TBC1D8B: variants seen among roughly 807,000 people sequenced by gnomAD.
The protein encoded by TBC1D8B is RP11-321G1.1.
TBC1D8B carries 75 observed loss-of-function variants against 82.9 expected under a neutral mutation model. The observed-to-expected ratio is 0.90, with a 90% confidence interval of 0.75 to 1.10. The LOEUF (loss-of-function observed/expected upper bound fraction) is 1.10, where lower values mean the gene tolerates loss of function less well. Among genes scored for constraint, TBC1D8B ranks in the 50% least tolerant of loss-of-function variants. The probability of loss-of-function intolerance (pLI) is 0.00; values close to 1 mark genes in which losing one functional copy is unlikely to be tolerated. For synonymous variants in TBC1D8B, 276 were observed against 276.8 expected (o/e 1.00, Z 0.03); for missense variants, 794 against 796.9 (o/e 1.00, Z 0.04).
chrX:106,847,868 G>A (rs1932492707), intron 10 of TBC1D8B, among the ~76,000 whole-genome samples: 1 of 111,557 alleles, frequency 9.0e-6, no homozygotes, highest in African/African-American at 3.2e-5. Flanking sequence ...AAATTATGTA[G>A]GCTTTTTTCA....
intron 5 of TBC1D8B, among the ~76,000 whole-genome samples, chrX:106,823,878 G>A (rs1180303315): frequency 9.0e-6 from 1 of 110,771 alleles, no homozygotes; most frequent in African/African-American, 3.3e-5. Context: ...TAATGAAGAG[G>A]CAAGTTCGTG....
At position 106,802,684 on chromosome X, in the gene TBC1D8B, T is replaced by G. The variant is rs1160360433; in HGVS notation, c.-170T>G. The G allele has an allele frequency of 1.6e-6, 1 of 638,394 alleles. No homozygotes were observed. The highest frequency in any genetic ancestry group is 3.6e-5 in the East Asian group (1 of 27,734). 52.6% of individuals were successfully genotyped at this position (638,394 alleles called of 1,213,427 possible). A position where few individuals can be genotyped will look rare whatever the true frequency, so the allele number is the denominator to read the frequency against. On this transcript the variant is annotated 5_prime_UTR_variant, in exon 1 of 21. Transcript: ENST00000357242. ...TGTGGGAGGGAATTGGCAATCTCTC[T>G]GCCTACGTGGGAGAGAAGGGAGGGT... is the stretch of plus-strand genomic sequence containing the variant.
intron 1 of TBC1D8B, among the ~76,000 whole-genome samples, chrX:106,809,681 C>T (rs932693427): frequency 1.8e-5 from 2 of 109,334 alleles, no homozygotes; most frequent in East Asian, 2.9e-4. Context: ...GTCAAGAGTT[C>T]GAGACCAGCC....
At chrX:106,823,146 T>C (rs1931742125) in intron 4 of TBC1D8B, 80 bp from the exon 5 acceptor site, 2 of 1,013,767 alleles carry the variant, frequency 2.0e-6, no homozygotes, top group Non-Finnish European at 2.7e-6. Context: ...AGGGATTAAC[T>C]ATTGTTTCAG....
At chrX:106,842,503 T>C (rs1932331734) in intron 10 of TBC1D8B, among the ~76,000 whole-genome samples, 1 of 111,051 alleles carries the variant, frequency 9.0e-6, no homozygotes, top group Non-Finnish European at 1.9e-5. Context: ...TCATGAAGAA[T>C]CTTTCAAGCC....
intron 14 of TBC1D8B, among the ~76,000 whole-genome samples, chrX:106,857,412 C>T (rs1333966686): frequency 1.8e-5 from 2 of 111,924 alleles, no homozygotes; most frequent in Non-Finnish European, 3.8e-5. Flanking sequence ...CTCAGCCTCC[C>T]GAAGTGCTGG....
intron 14 of TBC1D8B, among the ~76,000 whole-genome samples, chrX:106,860,213 T>C (rs930877674): frequency 2.7e-5 from 3 of 111,106 alleles, no homozygotes; most frequent in Non-Finnish European, 5.7e-5. Context: ...CCTAAAAGAA[T>C]GCGTTAAGGA....
At chrX:106,821,476 G>T (rs768683669) in intron 3 of TBC1D8B, among the ~76,000 whole-genome samples, 1 of 110,682 alleles carries the variant, frequency 9.0e-6, no homozygotes, top group South Asian at 3.8e-4. Context: ...GCACAAAACT[G>T]AAGAAAATTT....
In TBC1D8B at chrX:106,831,311, A is replaced by G. The variant is rs1430546895; in HGVS notation, c.1203+3974A>G. Among the ~76,000 whole-genome samples, 6 of 111,820 alleles carry G rather than the reference A, an allele frequency of 5.4e-5. No individual in the cohort carries two copies. In the East Asian group the frequency reaches 1.7e-3, roughly 31 times the overall value. ...TTTCCCTTTGATAATTAAAAAGCAC[A>G]ATGAAAACATGTAATTAAATTTTTT... On this transcript the variant is annotated intron_variant, in intron 7 of 20. Transcript: ENST00000357242.
chrX:106,804,662 G>A (rs976201206), intron 1 of TBC1D8B, among the ~76,000 whole-genome samples: 14 of 111,099 alleles, frequency 1.3e-4, no homozygotes, highest in African/African-American at 4.6e-4. Context: ...CAGCACTTTG[G>A]GAGACCGAGG....
In TBC1D8B at chrX:106,827,154, G is replaced by A. The variant is rs747969372; in HGVS notation, c.1036-16G>A. 2 of 1,200,768 alleles carry A rather than the reference G, an allele frequency of 1.7e-6. No individual in the cohort carries two copies. Among genetic ancestry groups the A allele is most frequent in the South Asian group, 3.6e-5 (2 of 55,304 alleles). ...AAAGGAAAATTTAATTGACCTCTATGTTTTTCACCCCCTAGGTCTTAGCTA... is the reference window on the plus strand; with the variant it reads ...AAAGGAAAATTTAATTGACCTCTATATTTTTCACCCCCTAGGTCTTAGCTA... On this transcript the variant is annotated splice_polypyrimidine_tract_variant and intron_variant, in intron 6 of 20. Transcript: ENST00000357242.
At chrX:106,844,327 T>C (rs1932382149) in intron 10 of TBC1D8B, among the ~76,000 whole-genome samples, 1 of 109,501 alleles carries the variant, frequency 9.1e-6, no homozygotes, top group Non-Finnish European at 1.9e-5. Context: ...TAAAGTATAA[T>C]GTTAACTGTG....
At chrX:106,873,533 A>G in intron 20 of TBC1D8B, 37 bp from the exon 21 acceptor site, 1 of 1,149,408 alleles carries the variant, frequency 8.7e-7, no homozygotes, top group South Asian at 2.1e-5. Context: ...GCTAAGTCTA[A>G]TATTCAAACG....
intron 6 of TBC1D8B, among the ~76,000 whole-genome samples, chrX:106,826,711 C>G (rs1931856487): frequency 9.2e-6 from 1 of 108,698 alleles, no homozygotes; most frequent in Non-Finnish European, 1.9e-5. Flanking sequence ...CTGAGAATGT[C>G]ATACATTTTT....
chrX:106,823,138 G>A, intron 4 of TBC1D8B, 88 bp from the exon 5 acceptor site: 1 of 977,584 alleles, frequency 1.0e-6, no homozygotes, highest in Middle Eastern at 4.1e-4. Context: ...ATTTTTCAAG[G>A]GATTAACTAT....
At chrX:106,806,425 A>G (rs1005028772) in intron 1 of TBC1D8B, among the ~76,000 whole-genome samples, 7 of 112,012 alleles carry the variant, frequency 6.2e-5, no homozygotes, top group African/African-American at 2.3e-4. Flanking sequence ...TATGACACCT[A>G]CATTTAGCAC....
intron 14 of TBC1D8B, among the ~76,000 whole-genome samples, chrX:106,863,187 T>C (rs755311783): frequency 8.9e-6 from 1 of 111,934 alleles, no homozygotes; most frequent in African/African-American, 3.2e-5. Flanking sequence ...TCACAGGTGG[T>C]GTATACTGGC....
At chrX:106,820,572 T>TA (rs769306749) in intron 2 of TBC1D8B, among the ~76,000 whole-genome samples, 1 of 111,829 alleles carries the variant, frequency 8.9e-6, no homozygotes, top group Non-Finnish European at 1.9e-5. Flanking sequence ...TCTTAAAAGA[T>TA]ACTGGTTATT....
In TBC1D8B at chrX:106,802,935, C is replaced by A; in HGVS notation, c.82C>A (p.Leu28Met). The part of the protein sequence containing the change: ...LMERSNDYFV[L>M]QRRRGYGEEG... The stretch of plus-strand genomic sequence containing the variant: ...GGAAAGGTCCAACGACTACTTCGTG[C>A]TGCAGCGGCGTCGGGGCTACGGGGA... Residue 28 changes from leucine to methionine, a missense_variant, in exon 1 of 21, where the codon CTG becomes ATG. Transcript: ENST00000357242. 8.3e-7 allele frequency: 1 copy of A among 1,210,959 alleles called. No homozygotes were observed. The highest frequency in any genetic ancestry group is 1.1e-6 in the Non-Finnish European group (1 of 895,180).
Sources: gnomAD v4.1 joint callset for allele counts (sites outside exome capture counted in the v4.1 genomes callset) on GRCh38, gnomAD v4.1.1 for gene constraint, MANE v1.5 for transcripts, NCBI Gene and HGNC (gene_info 2026-07-23, HGNC 2026-07-21) for gene names.